Variants in DDB1 observed in about 807,000 individuals in gnomAD.
DDB1 encodes DNA damage-binding protein 1.
DDB1 carries 18 observed loss-of-function variants against 133.1 expected under a neutral mutation model. The observed-to-expected ratio is 0.14, with a 90% confidence interval of 0.09 to 0.20. The LOEUF (loss-of-function observed/expected upper bound fraction) is 0.20. Among genes scored for constraint, DDB1 ranks in the 10% least tolerant of loss-of-function variants. The pLI, the probability that DDB1 is intolerant of heterozygous loss-of-function variation, is 1.00. For synonymous variants in DDB1, 580 were observed against 550.5 expected (o/e 1.05, Z -0.75); for missense variants, 828 against 1,459.2 (o/e 0.57, Z 7.05).
chr11:61,302,506 C>T, intron 24 of DDB1, 76 bp downstream of exon 24: 1 of 1,597,424 alleles, frequency 6.3e-7, no homozygotes, highest in Non-Finnish European at 8.6e-7. Context: ...TGTACAGTTG[C>T]TCTCCCCAGT....
At chr11:61,321,270 T>C (rs1856173313) in intron 10 of DDB1, 1 of 185,772 alleles carries the variant, frequency 5.4e-6, no homozygotes, top group Non-Finnish European at 1.1e-5. Context: ...TACTTATATC[T>C]TCATAAAATA....
intron 2 of DDB1, among the ~76,000 whole-genome samples, chr11:61,330,646 G>T (rs1376727540): frequency 6.6e-6 from 1 of 152,000 alleles, no homozygotes; most frequent in East Asian, 1.9e-4. Context: ...AAATACTGAT[G>T]GTAATTGTTT....
intron 23 of DDB1, 28 bp downstream of exon 23, chr11:61,303,018 A>T: frequency 6.3e-7 from 1 of 1,597,802 alleles, no homozygotes. Context: ...AGCCCTCCCC[A>T]CCACTCCCAG....
chr11:61,314,018 C>T (rs1446783602), intron 14 of DDB1, 29 bp downstream of exon 14: 24 of 1,613,944 alleles, frequency 1.5e-5, no homozygotes, highest in Admixed American at 6.7e-5. Context: ...TTGACTCTGT[C>T]CCAACCCAGG....
intron 6 of DDB1, among the ~76,000 whole-genome samples, chr11:61,325,298 ACTGCATT>A (rs1438760758): frequency 3.9e-5 from 6 of 152,178 alleles, no homozygotes; most frequent in African/African-American, 1.4e-4. Flanking sequence ...CGATCATGCC[ACTGCATT>A]CTAGCTCTCC....
At chr11:61,325,811 TC>T in intron 5 of DDB1, 103 bp from the exon 6 acceptor site, 1 of 852,598 alleles carries the variant, frequency 1.2e-6, no homozygotes, top group South Asian at 1.4e-5. Flanking sequence ...AACTTTAAGG[TC>T]ATCATTATTT....
At position 61,314,031 on chromosome 11, in the gene DDB1, C is replaced by T. The variant is rs765999384; in HGVS notation, c.1753+16G>A. On this transcript the variant is annotated intron_variant, in intron 14 of 26. Coordinates refer to ENST00000301764, the MANE Select transcript of DDB1 (RefSeq NM_001923.5). ...TTTTGACTCTGTCCCAACCCAGGTC[C>T]CTAAATGACACATACCTCCACCCAG... 3.1e-6 allele frequency: 5 copies of T among 1,614,002 alleles called. No homozygotes were observed. In the Admixed American group the frequency reaches 5.0e-5, roughly 16 times the overall value.
chr11:61,316,802 T>C (rs1008630660), intron 10 of DDB1, among the ~76,000 whole-genome samples: 1 of 148,342 alleles, frequency 6.7e-6, no homozygotes, highest in Non-Finnish European at 1.5e-5. Context: ...CACAAAACTA[T>C]AGTCCCAGCT....
At chr11:61,323,120 G>C (rs758753352) in intron 7 of DDB1, 26 bp from the exon 8 acceptor site, 1 of 1,599,986 alleles carries the variant, frequency 6.3e-7, no homozygotes, top group Admixed American at 1.7e-5. Context: ...CAACGTGAAA[G>C]AAATGAGAAT....
At position 61,332,904 on chromosome 11, in the gene DDB1, T is replaced by C; in HGVS notation, c.61+4A>G. The C allele has an allele frequency of 6.7e-7, 1 of 1,489,788 alleles. No homozygotes were observed. Among genetic ancestry groups the C allele is most frequent in the Non-Finnish European group, 9.0e-7 (1 of 1,110,772 alleles). The allele number at this position is 1,489,788 out of a possible 1,614,324, so 92.3% of individuals were successfully genotyped here. A position where few individuals can be genotyped will look rare whatever the true frequency, so the allele number is the denominator to read the frequency against. On this transcript the variant is annotated splice_donor_region_variant and intron_variant, in intron 1 of 26. Coordinates refer to ENST00000301764, the MANE Select transcript of DDB1 (RefSeq NM_001923.5). ...GCCGGGGTCTCCGGCCCCGGCAGCC[T>C]CACCGGTCACGCAGCCGTTCACGGC...
At position 61,303,149 on chromosome 11, in the gene DDB1, G is replaced by A. The variant is rs746927633; in HGVS notation, c.2839C>T (p.Arg947Ter). 3 of 1,613,932 alleles carry A rather than the reference G, an allele frequency of 1.9e-6. No individual in the cohort carries two copies. Among genetic ancestry groups the A allele is most frequent in the Non-Finnish European group, 2.5e-6 (3 of 1,179,854 alleles). ...CTCATCCAGTTGGGATTAAAGTCTC[G>A]AGCAATCTTAAAACAGACAAGGTGA... ...PMEGNFEEIARDFNPNWMSAV... is the reference protein window; with the variant it reads ...PMEGNFEEIA Residue 947 changes from arginine to a stop codon, truncating the protein, a stop_gained, in exon 23 of 27, where the codon CGA becomes TGA. Coordinates refer to ENST00000301764, the MANE Select transcript of DDB1 (RefSeq NM_001923.5). LOFTEE classifies it high-confidence loss of function.
intron 8 of DDB1, 39 bp downstream of exon 8, chr11:61,322,972 G>C (rs756635579): frequency 6.4e-7 from 1 of 1,553,236 alleles, no homozygotes; most frequent in Non-Finnish European, 8.8e-7. Flanking sequence ...GAAACAGTGA[G>C]TACAGCAAAA....
chr11:61,305,350 T>C (rs1329052228), intron 21 of DDB1, among the ~76,000 whole-genome samples: 2 of 152,000 alleles, frequency 1.3e-5, no homozygotes, highest in Non-Finnish European at 2.9e-5. Context: ...CTACTAAAAA[T>C]ATAAAAATCA....
At chr11:61,323,342 G>C (rs1856215996) in intron 7 of DDB1, 2 of 507,152 alleles carry the variant, frequency 3.9e-6, no homozygotes, top group East Asian at 6.6e-5. Flanking sequence ...TGCTCCAAAA[G>C]ATACTGCCTA....
At chr11:61,301,326 T>A (rs941334952) in intron 25 of DDB1, 1 of 157,100 alleles carries the variant, frequency 6.4e-6, no homozygotes, top group Non-Finnish European at 1.4e-5. Context: ...CTTTGGGAGG[T>A]TGAGGCAGGG....
At chr11:61,331,405 G>A in intron 2 of DDB1, 138 bp downstream of exon 2, 1 of 1,162,130 alleles carries the variant, frequency 8.6e-7, no homozygotes. Context: ...GATTGCTTGA[G>A]CTCAGGAGTT....
intron 26 of DDB1, 60 bp from the exon 27 acceptor site, chr11:61,300,279 G>T: frequency 6.5e-7 from 1 of 1,531,820 alleles, no homozygotes; most frequent in Non-Finnish European, 9.0e-7. Context: ...CACAGGTGGG[G>T]AAGGGAATGC....
chr11:61,310,248 G>A (rs1176201937), intron 19 of DDB1, 47 bp downstream of exon 19: 1 of 1,585,594 alleles, frequency 6.3e-7, no homozygotes, highest in Non-Finnish European at 8.6e-7. Context: ...GAACAGCCTG[G>A]ATTAGGGAGG....
At chr11:61,317,010 C>T (rs1856096951) in intron 10 of DDB1, among the ~76,000 whole-genome samples, 1 of 102,310 alleles carries the variant, frequency 9.8e-6, no homozygotes, top group Admixed American at 1.2e-4. Flanking sequence ...GACATGGCAG[C>T]CTGACACCAC....
Sources: gnomAD v4.1 joint callset for allele counts (sites outside exome capture counted in the v4.1 genomes callset) on GRCh38, gnomAD v4.1.1 for gene constraint, MANE v1.5 for transcripts, NCBI Gene and HGNC (gene_info 2026-07-23, HGNC 2026-07-21) for gene names.